The following UBE2V1 variants were observed in gnomAD, a reference collection of about 807,000 sequenced individuals.
UBE2V1 encodes ubiquitin-conjugating enzyme E2 variant 1.
In UBE2V1, 15 loss-of-function variants were observed where a neutral mutation model predicts 19.6. The ratio of observed to expected loss-of-function variants is 0.77; its 90% CI spans 0.51 to 1.18. The LOEUF (loss-of-function observed/expected upper bound fraction) is 1.18. Among genes scored for constraint, UBE2V1 ranks in the 50% most tolerant of loss-of-function variants. The pLI, the probability that UBE2V1 is intolerant of heterozygous loss-of-function variation, is 0.00. For missense variants in UBE2V1, 125 were observed against 184.8 expected (o/e 0.68, Z 1.88); for synonymous variants, 60 against 60.7 (o/e 0.99, Z 0.05).
At chr20:50,091,673 G>A (rs972914250) in intron 2 of UBE2V1, among the ~76,000 whole-genome samples, 2 of 152,076 alleles carry the variant, frequency 1.3e-5, no homozygotes, top group African/African-American at 2.4e-5. Context: ...AATTACAGGC[G>A]TGAGTTACCA....
chr20:50,096,457 A>G (rs1353707330), intron 2 of UBE2V1: 3 of 1,216,838 alleles, frequency 2.5e-6, no homozygotes, highest in Non-Finnish European at 3.4e-6. Context: ...AATTCACACT[A>G]TGAGTCTAAA....
chr20:50,088,866 C>A (rs1294969488), intron 2 of UBE2V1, among the ~76,000 whole-genome samples: 1 of 151,234 alleles, frequency 6.6e-6, no homozygotes, highest in African/African-American at 2.4e-5. Context: ...ATTACAAAAT[C>A]TAAACATACA....
At position 50,097,462 on chromosome 20, in the gene UBE2V1, G is replaced by GC. The variant is rs780797851; in HGVS notation, c.23-643dup. Among the ~76,000 whole-genome samples the GC allele has an allele frequency of 2.0e-5, 3 of 152,114 alleles. No homozygotes were observed. In the East Asian group the frequency reaches 5.8e-4, roughly 29 times the overall value. Reference sequence around the variant, plus strand: ...CTGGCAAGTAGCTCTTGAAAGCAACGCATGAAAACACCTCACAGGTTCAAG... The same window carrying GC: ...CTGGCAAGTAGCTCTTGAAAGCAACGCCATGAAAACACCTCACAGGTTCAAG... On this transcript the variant is annotated intron_variant, in intron 1 of 3. Transcript: ENST00000371674.
chr20:50,109,127 T>A lies in UBE2V1; in HGVS notation c.22+3980A>T, dbSNP rs560809166. On this transcript the variant is annotated intron_variant, in intron 1 of 3. Coordinates refer to ENST00000371674, the MANE Select transcript of UBE2V1 (RefSeq NM_001032288.3). ...GGTGACCAGGCTGTGGAGAGTTAGA[T>A]GAGACAACATCACAGGTAAGTCGAA... 4.1e-5 allele frequency: 40 copies of A among 985,376 alleles called. No homozygotes were observed. In the African/African-American group the frequency reaches 5.6e-4, roughly 14 times the overall value. The allele number at this position is 985,376 out of a possible 1,614,324, so 61.0% of individuals were successfully genotyped here.
At chr20:50,093,987 C>CAAATTAAAA (rs2079401482) in intron 2 of UBE2V1, among the ~76,000 whole-genome samples, 1 of 56,302 alleles carries the variant, frequency 1.8e-5, no homozygotes, top group African/African-American at 6.5e-5. Flanking sequence ...GACTCCAACT[C>CAAATTAAAA]AAAAAAAAAA....
At chr20:50,106,498 T>C (rs187467790) in intron 1 of UBE2V1, among the ~76,000 whole-genome samples, 123 of 152,288 alleles carry the variant, frequency 8.1e-4, no homozygotes, top group Non-Finnish European at 1.5e-3. Flanking sequence ...TACCACAGCA[T>C]GTCAATCTTG....
At chr20:50,092,414 AAGGG>A (rs2079295621) in intron 2 of UBE2V1, among the ~76,000 whole-genome samples, 2 of 151,996 alleles carry the variant, frequency 1.3e-5, no homozygotes, top group South Asian at 4.1e-4. Context: ...TGGGAAGGGG[AAGGG>A]AGGATCAAGC....
chr20:50,101,144 G>T (rs932866110), intron 1 of UBE2V1, among the ~76,000 whole-genome samples: 1 of 152,152 alleles, frequency 6.6e-6, no homozygotes, highest in African/African-American at 2.4e-5. Flanking sequence ...AGAGGGAAAG[G>T]TCAGCTTTCT....
At chr20:50,090,804 A>G (rs527619277) in intron 2 of UBE2V1, among the ~76,000 whole-genome samples, 1 of 152,210 alleles carries the variant, frequency 6.6e-6, no homozygotes, top group Non-Finnish European at 1.5e-5. Flanking sequence ...TGTCCTTACC[A>G]CAGACACACA....
intron 1 of UBE2V1, among the ~76,000 whole-genome samples, chr20:50,099,356 T>A (rs2079837820): frequency 6.6e-6 from 1 of 152,216 alleles, no homozygotes; most frequent in Admixed American, 6.5e-5. Flanking sequence ...CCACCCAGTC[T>A]ATGGTATTTT....
intron 2 of UBE2V1, among the ~76,000 whole-genome samples, chr20:50,085,876 C>G (rs2078884593): frequency 6.6e-6 from 1 of 152,118 alleles, no homozygotes; most frequent in African/African-American, 2.4e-5. Flanking sequence ...TCCCCTCTCC[C>G]TTACCCTCTA....
intron 2 of UBE2V1, chr20:50,084,717 G>A (rs1475635743): frequency 2.7e-6 from 1 of 373,158 alleles, no homozygotes; most frequent in South Asian, 2.1e-5. Flanking sequence ...GACGAGGGAG[G>A]GGTGCAGACT....
At chr20:50,083,052 T>A in intron 3 of UBE2V1, 138 bp from the exon 4 acceptor site, 1 of 1,372,056 alleles carries the variant, frequency 7.3e-7, no homozygotes, top group Non-Finnish European at 9.7e-7. Context: ...ATACCTTACA[T>A]GCGGAATACC....
chr20:50,108,881 C>A, intron 1 of UBE2V1: 2 of 962,776 alleles, frequency 2.1e-6, no homozygotes, highest in Non-Finnish European at 2.5e-6. Flanking sequence ...GTTCCTGAAA[C>A]GGGTAGCAGT....
chr20:50,115,861 C>G, upstream of UBE2V1: 2 of 293,690 alleles, frequency 6.8e-6, no homozygotes, highest in Non-Finnish European at 1.2e-5. Context: ...AATGTTTACT[C>G]GCATGGATTC....
rs1280016716 is a variant in UBE2V1, at chr20:50,081,864, C to G, written c.*904G>C. ...CTAAAAACAATGCATCAGCTGATGA[C>G]AGCAGAGGGTGGCAGGGCTGAGGAC... On this transcript the variant is annotated 3_prime_UTR_variant, in exon 4 of 4. Coordinates refer to ENST00000371674, the MANE Select transcript of UBE2V1 (RefSeq NM_001032288.3). 3.8e-6 allele frequency: 1 copy of G among 264,284 alleles called. No homozygotes were observed. The highest frequency in any genetic ancestry group is 7.1e-6 in the Non-Finnish European group (1 of 140,600). 16.4% of individuals were successfully genotyped at this position (264,284 alleles called of 1,614,324 possible).
rs2078689780 is a variant in UBE2V1 at position 50,082,619 on chromosome 20, T to G, written c.*149A>C. 3.7e-6 allele frequency: 5 copies of G among 1,366,276 alleles called. No individual in the cohort carries two copies. The South Asian group carries it at 7.7e-5, about 21-fold the overall frequency. 84.6% of individuals were successfully genotyped at this position (1,366,276 alleles called of 1,614,324 possible). On this transcript the variant is annotated 3_prime_UTR_variant, in exon 4 of 4. Coordinates refer to ENST00000371674, the MANE Select transcript of UBE2V1 (RefSeq NM_001032288.3). ...CAAAAAATTAGTATCATTTACAGTA[T>G]CTTAAGATAAATTTCCTTTGAATGG...
In UBE2V1 at chr20:50,082,777, G is replaced by GT. The variant is rs1568962534; in HGVS notation, c.434dup (p.Tyr145Ter). ...TGGTTTTTCTTTTTGATTAATTGCT[G>GT]TAACACTGTCCTTCGGGCGGCTGAG... ...KLPQPPEGQC[Y>*]SN The change falls in exon 4 of 4, where the codon TAC becomes TAAC. Residue 145 changes from tyrosine to a stop codon, truncating the protein, a stop_gained and frameshift_variant. Transcript: ENST00000371674. LOFTEE classifies it high-confidence loss of function. 1 of 1,612,126 alleles carries GT rather than the reference G, an allele frequency of 6.2e-7. No homozygotes were observed. Among genetic ancestry groups the GT allele is most frequent in the Non-Finnish European group, 8.5e-7 (1 of 1,179,822 alleles).
At chr20:50,097,199 A>G (rs2079682214) in intron 1 of UBE2V1, among the ~76,000 whole-genome samples, 2 of 152,334 alleles carry the variant, frequency 1.3e-5, no homozygotes, top group South Asian at 4.1e-4. Flanking sequence ...GGAAGACAAG[A>G]GGCTAAGACT....
Sources: gnomAD v4.1 joint callset for allele counts (sites outside exome capture counted in the v4.1 genomes callset) on GRCh38, gnomAD v4.1.1 for gene constraint, MANE v1.5 for transcripts, NCBI Gene and HGNC (gene_info 2026-07-23, HGNC 2026-07-21) for gene names.